ALKBH3: variants seen among roughly 807,000 people sequenced by gnomAD.
ALKBH3 encodes alkB homolog 3, alpha-ketoglutarate dependent dioxygenase, also known as alpha-ketoglutarate-dependent dioxygenase alkB homolog 3.
A neutral mutation model predicts 43.9 loss-of-function variants in ALKBH3; 51 were observed. That is an observed-to-expected ratio of 1.16 (90% CI 0.93 to 1.47). The LOEUF (loss-of-function observed/expected upper bound fraction) is 1.47, where lower values mean the gene tolerates loss of function less well. Among genes scored for constraint, ALKBH3 ranks in the 40% most tolerant of loss-of-function variants. The probability of loss-of-function intolerance (pLI) is 0.00; values close to 1 mark genes in which losing one functional copy is unlikely to be tolerated. For missense variants in ALKBH3, 361 were observed against 351.9 expected, an observed-to-expected ratio of 1.03 and a Z score of -0.21; for synonymous variants, 102 against 115.2, an observed-to-expected ratio of 0.89 and a Z score of 0.73.
intron 3 of ALKBH3, among the ~76,000 whole-genome samples, chr11:43,883,513 T>C (rs1341556380): frequency 1.3e-5 from 2 of 152,146 alleles, no homozygotes; most frequent in East Asian, 3.8e-4. Flanking sequence ...CTTCACCATC[T>C]TTGGAATTGG....
At chr11:43,914,902 G>GA (rs1291752491) in intron 8 of ALKBH3, among the ~76,000 whole-genome samples, 61 of 145,972 alleles carry the variant, frequency 4.2e-4, no homozygotes, top group Admixed American at 4.7e-4. Flanking sequence ...CAAACAGAAT[G>GA]AAAAAAAAAA....
At chr11:43,898,527 C>A in intron 7 of ALKBH3, 1 of 837,134 alleles carries the variant, frequency 1.2e-6, no homozygotes, top group Non-Finnish European at 2.1e-6. Context: ...TGCTGAGATA[C>A]GTTCTCTCCA....
At chr11:43,883,560 T>G (rs1951728409) in intron 3 of ALKBH3, among the ~76,000 whole-genome samples, 1 of 152,224 alleles carries the variant, frequency 6.6e-6, no homozygotes, top group Admixed American at 6.5e-5. Context: ...ATGCCTGATT[T>G]TTAGCCCTTT....
Position 43,883,069 on chromosome 11 carries a change from C to T in ALKBH3, c.80-16C>T. 6.2e-7 allele frequency: 1 copy of T among 1,608,678 alleles called. No individual in the cohort carries two copies. Among genetic ancestry groups the T allele is most frequent in the South Asian group, 1.1e-5 (1 of 90,776 alleles). On this transcript the variant is annotated splice_polypyrimidine_tract_variant and intron_variant, in intron 2 of 9. Transcript: ENST00000302708. ...GACTTTCCCCTGGTTTGAGGCTGTCCCCTCTCTTGCTTCAGCTACCACTGC... is the reference window on the plus strand; with the variant it reads ...GACTTTCCCCTGGTTTGAGGCTGTCTCCTCTCTTGCTTCAGCTACCACTGC...
At chr11:43,897,949 G>A in intron 7 of ALKBH3, 1 of 783,892 alleles carries the variant, frequency 1.3e-6, no homozygotes, top group East Asian at 2.4e-5. Context: ...TTTAGAAGGA[G>A]GCATAACCTT....
intron 3 of ALKBH3, among the ~76,000 whole-genome samples, chr11:43,883,567 CT>C (rs972500541): frequency 1.3e-4 from 20 of 152,212 alleles, no homozygotes; most frequent in African/African-American, 4.6e-4. Flanking sequence ...ATTTTTAGCC[CT>C]TTTTTCCCAT....
chr11:43,909,525 C>G (rs1384757345), intron 8 of ALKBH3: 1 of 152,088 alleles, frequency 6.6e-6, no homozygotes, highest in Non-Finnish European at 1.5e-5. Context: ...TTTGGGAAAA[C>G]AAGCTGAAAA....
chr11:43,892,082 G>T lies in ALKBH3; in HGVS notation c.412G>T (p.Glu138Ter). The T allele has an allele frequency of 6.2e-7, 1 of 1,613,680 alleles. No individual in the cohort carries two copies. The highest frequency in any genetic ancestry group is 1.3e-5 in the African/African-American group (1 of 75,014). ...ACCAAGACTTACAGCATGGTATGGAGAACTTCCTTACACTTATTCAAGAAT... is the reference window on the plus strand; with the variant it reads ...ACCAAGACTTACAGCATGGTATGGATAACTTCCTTACACTTATTCAAGAAT... ...QQPRLTAWYG[E>*]LPYTYSRITM... The change falls in exon 7 of 10, where the codon GAA becomes TAA. Residue 138 changes from glutamate to a stop codon, truncating the protein, a stop_gained. Coordinates refer to ENST00000302708, the MANE Select transcript of ALKBH3 (RefSeq NM_139178.4). LOFTEE classifies it high-confidence loss of function.
At chr11:43,902,058 G>C (rs1951867604) in intron 8 of ALKBH3, among the ~76,000 whole-genome samples, 1 of 152,178 alleles carries the variant, frequency 6.6e-6, no homozygotes, top group Non-Finnish European at 1.5e-5. Flanking sequence ...GATCAATGCT[G>C]TGAAGGAAAG....
At chr11:43,900,118 T>C (rs1951851447) in intron 7 of ALKBH3, among the ~76,000 whole-genome samples, 1 of 151,842 alleles carries the variant, frequency 6.6e-6, no homozygotes, top group Admixed American at 6.6e-5. Context: ...TCATCAATTA[T>C]TCAATTATTT....
Position 43,893,621 on chromosome 11 carries a change from G to C in ALKBH3, c.459+1492G>C, listed in dbSNP as rs376236156. On this transcript the variant is annotated intron_variant, in intron 7 of 9. Transcript: ENST00000302708. ...TTGTTATTTTAGACAAATATACCTA[G>C]AGAATCTTTTTTTCTGTAACAATAA... Among the ~76,000 whole-genome samples, 4 of 152,134 alleles carry C rather than the reference G, an allele frequency of 2.6e-5. No homozygotes were observed. In the East Asian group the frequency reaches 5.8e-4, roughly 22 times the overall value.
chr11:43,899,354 A>G, intron 7 of ALKBH3: 2 of 697,784 alleles, frequency 2.9e-6, no homozygotes, highest in Non-Finnish European at 5.4e-6. Flanking sequence ...GTGCACCATC[A>G]GCAGCCTGCC....
intron 7 of ALKBH3, chr11:43,898,346 A>G: frequency 1.4e-6 from 1 of 709,510 alleles, no homozygotes; most frequent in South Asian, 1.6e-5. Context: ...GCGTGGAGGA[A>G]GCAGCACCAG....
chr11:43,890,117 C>G (rs1951773019), intron 6 of ALKBH3, among the ~76,000 whole-genome samples: 1 of 146,026 alleles, frequency 6.8e-6, no homozygotes, highest in African/African-American at 2.5e-5. Context: ...TACTTATCTC[C>G]TTTTGTGTTT....
At chr11:43,897,787 A>C in intron 7 of ALKBH3, 1 of 825,854 alleles carries the variant, frequency 1.2e-6, no homozygotes, top group South Asian at 1.3e-5. Context: ...GTTCACCCTG[A>C]AAATGAAGAT....
At chr11:43,907,331 T>C (rs574191673) in intron 8 of ALKBH3, among the ~76,000 whole-genome samples, 1 of 152,276 alleles carries the variant, frequency 6.6e-6, no homozygotes, top group African/African-American at 2.4e-5. Flanking sequence ...TTTGCGTCCT[T>C]GGGGCCTTGT....
intron 7 of ALKBH3, among the ~76,000 whole-genome samples, chr11:43,892,643 A>G (rs1951792328): frequency 6.6e-6 from 1 of 152,264 alleles, no homozygotes; most frequent in African/African-American, 2.4e-5. Context: ...AATTTCCATG[A>G]AAGTAGATGA....
intron 5 of ALKBH3, 86 bp from the exon 6 acceptor site, chr11:43,889,639 A>G (rs1293709167): frequency 2.6e-6 from 3 of 1,143,518 alleles, no homozygotes; most frequent in Admixed American, 3.7e-5. Flanking sequence ...TAGAGGCTGC[A>G]TCCAGATTAA....
At chr11:43,896,298 C>T (rs895294467) in intron 7 of ALKBH3, among the ~76,000 whole-genome samples, 2 of 142,088 alleles carry the variant, frequency 1.4e-5, no homozygotes, top group African/African-American at 5.0e-5. Flanking sequence ...CACACACACA[C>T]ACGTATATAT....
Sources: gnomAD v4.1 joint callset for allele counts (sites outside exome capture counted in the v4.1 genomes callset) on GRCh38, gnomAD v4.1.1 for gene constraint, MANE v1.5 for transcripts, NCBI Gene and HGNC (gene_info 2026-07-23, HGNC 2026-07-21) for gene names.